The following TMEM65 variants were observed in gnomAD, a reference collection of about 807,000 sequenced individuals.
TMEM65 encodes the protein transmembrane protein 65.
TMEM65 carries 22 observed loss-of-function variants against 25.4 expected under a neutral mutation model. That is an observed-to-expected ratio of 0.86 (90% CI 0.62 to 1.23). The LOEUF is 1.23. Ranked by LOEUF, TMEM65 falls within the 50% of genes most tolerant of loss-of-function variation. The pLI is 0.00. For synonymous variants in TMEM65, 132 were observed against 126.2 expected (o/e 1.05, Z -0.31); for missense variants, 262 against 308.2 (o/e 0.85, Z 1.12).
rs1006868891 is a variant in TMEM65 at position 124,309,673 on chromosome 8, T to G, written c.*4287A>C. ...GGTCTTCACTGACCATCTTCACTTA[T>G]GACCACTGGTACTTTCTATCCTCTT... On this transcript the variant is annotated 3_prime_UTR_variant, in exon 7 of 7. Transcript: ENST00000297632. 3 of 152,296 alleles carry G rather than the reference T, an allele frequency of 2.0e-5. No individual in the cohort carries two copies. The highest frequency in any genetic ancestry group is 2.9e-5 in the Non-Finnish European group (2 of 68,078). The allele number at this position is 152,296 out of a possible 1,614,324, so 9.4% of individuals were successfully genotyped here.
intron 1 of TMEM65, among the ~76,000 whole-genome samples, chr8:124,344,042 A>G (rs951590230): frequency 1.3e-5 from 2 of 152,232 alleles, no homozygotes; most frequent in African/African-American, 4.8e-5. Context: ...AAATATTGCT[A>G]GTGCTTCTCT....
At chr8:124,345,154 A>G (rs1031477904) in intron 1 of TMEM65, among the ~76,000 whole-genome samples, 1 of 152,236 alleles carries the variant, frequency 6.6e-6, no homozygotes, top group African/African-American at 2.4e-5. Flanking sequence ...GCTTTGGCCA[A>G]TCATAGGAGC....
At chr8:124,361,099 A>G (rs1305534313) in intron 1 of TMEM65, among the ~76,000 whole-genome samples, 1 of 152,198 alleles carries the variant, frequency 6.6e-6, no homozygotes, top group African/African-American at 2.4e-5. Flanking sequence ...ACAGTTCAAG[A>G]CAACTTCACA....
chr8:124,335,027 C>T (rs555211327), intron 1 of TMEM65, among the ~76,000 whole-genome samples: 52 of 151,876 alleles, frequency 3.4e-4, no homozygotes, highest in African/African-American at 1.2e-3. Context: ...AAACTAGGAA[C>T]AAAAACTCTT....
chr8:124,329,786 T>C (rs899811927), intron 2 of TMEM65, among the ~76,000 whole-genome samples: 4 of 151,898 alleles, frequency 2.6e-5, no homozygotes, highest in African/African-American at 9.7e-5. Context: ...AACACAGCCA[T>C]ACAAACAGTA....
chr8:124,330,845 T>C (rs1180085028), intron 1 of TMEM65, 53 bp from the exon 2 acceptor site: 4 of 1,463,916 alleles, frequency 2.7e-6, no homozygotes, highest in Middle Eastern at 1.7e-4. Context: ...CAGCGTGATA[T>C]TTTTTATTAC....
chr8:124,331,682 T>A (rs953086038), intron 1 of TMEM65, among the ~76,000 whole-genome samples: 2 of 151,864 alleles, frequency 1.3e-5, no homozygotes, highest in Admixed American at 6.6e-5. Flanking sequence ...TCTACCTTCT[T>A]TATGATCAAC....
At chr8:124,371,693 C>T (rs1305026064) in intron 1 of TMEM65, among the ~76,000 whole-genome samples, 161 bp downstream of exon 1, 1 of 152,146 alleles carries the variant, frequency 6.6e-6, no homozygotes. Context: ...AAAGTCTCCC[C>T]GCCCCCAGCC....
intron 1 of TMEM65, among the ~76,000 whole-genome samples, chr8:124,352,474 T>A (rs1814723351): frequency 1.5e-5 from 2 of 130,134 alleles, no homozygotes; most frequent in South Asian, 4.8e-4. Context: ...GAATTTACTA[T>A]CATAAAATAA....
chr8:124,321,341 G>A (rs766035718), intron 5 of TMEM65, among the ~76,000 whole-genome samples: 8 of 152,130 alleles, frequency 5.3e-5, no homozygotes, highest in Admixed American at 2.0e-4. Flanking sequence ...AAGGAAAGAA[G>A]AGACAAAATC....
Position 124,320,183 on chromosome 8 carries a change from C to T in TMEM65, c.524G>A (p.Gly175Asp). 1 of 1,611,634 alleles carries T rather than the reference C, an allele frequency of 6.2e-7. No individual in the cohort carries two copies. The highest frequency in any genetic ancestry group is 8.5e-7 in the Non-Finnish European group (1 of 1,178,508). Residue 175 changes from glycine to aspartate, a missense_variant, in exon 6 of 7, where the codon GGC becomes GAC. Transcript: ENST00000297632. ...CCTGGAAGCCAATGCTTCAACGTAG[C>T]CTGCAAGTCTTTGAAGAAACAAGAC... ...VSDLAGLGLA[G>D]YVEALASRLG...
At chr8:124,317,470 T>G (rs1466269162) in intron 6 of TMEM65, among the ~76,000 whole-genome samples, 1 of 152,184 alleles carries the variant, frequency 6.6e-6, no homozygotes, top group Non-Finnish European at 1.5e-5. Flanking sequence ...GACTATGAGC[T>G]CTTAGGTATT....
rs1297131086 is a variant in TMEM65 at position 124,313,020 on chromosome 8, A to C, written c.*940T>G. ...AAATAATATAAATTGTATCTCATTA[A>C]TCTTTCAAACATCACTTCAACTTCA... On this transcript the variant is annotated 3_prime_UTR_variant, in exon 7 of 7. Coordinates refer to ENST00000297632, the MANE Select transcript of TMEM65 (RefSeq NM_194291.3). 6.6e-6 allele frequency: 1 copy of C among 151,796 alleles called. No homozygotes were observed. The highest frequency in any genetic ancestry group is 6.5e-5 in the Admixed American group (1 of 15,270). 9.4% of individuals were successfully genotyped at this position (151,796 alleles called of 1,614,324 possible).
intron 1 of TMEM65, among the ~76,000 whole-genome samples, chr8:124,335,192 A>C (rs1052109503): frequency 6.6e-6 from 1 of 152,186 alleles, no homozygotes; most frequent in Non-Finnish European, 1.5e-5. Flanking sequence ...ATACATATTA[A>C]ACACACAAAA....
At position 124,312,287 on chromosome 8, in the gene TMEM65, C is replaced by T. The variant is rs1814172666; in HGVS notation, c.*1673G>A. ...ATGATTTGATTCAGTAAGAATGTCA[C>T]ATTATTTGTGCATGTTATATATTTA... On this transcript the variant is annotated 3_prime_UTR_variant, in exon 7 of 7. Transcript: ENST00000297632. 1 of 151,930 alleles carries T rather than the reference C, an allele frequency of 6.6e-6. No homozygotes were observed. Among genetic ancestry groups the T allele is most frequent in the African/African-American group, 2.4e-5 (1 of 41,394 alleles). The allele number at this position is 151,930 out of a possible 1,614,324, so 9.4% of individuals were successfully genotyped here.
chr8:124,327,671 A>AACACACAC (rs71289656), intron 2 of TMEM65, among the ~76,000 whole-genome samples: 19 of 148,722 alleles, frequency 1.3e-4, no homozygotes, highest in Admixed American at 4.0e-4. Flanking sequence ...TCTTACTGGT[A>AACACACAC]ACACACACAC....
chr8:124,306,411 A>T lies in TMEM65; in HGVS notation c.*7549T>A, dbSNP rs1355087882. ...CAGAAATGGTGGAGAATGACACTGG[A>T]AGTCATAAAGTTGATTCTCAAACAC... On this transcript the variant is annotated 3_prime_UTR_variant, in exon 7 of 7. Transcript: ENST00000297632. 2.6e-5 allele frequency: 4 copies of T among 152,190 alleles called. No individual in the cohort carries two copies. Among genetic ancestry groups the T allele is most frequent in the Non-Finnish European group, 5.9e-5 (4 of 68,036 alleles). The allele number at this position is 152,190 out of a possible 1,614,324, so 9.4% of individuals were successfully genotyped here. A position where few individuals can be genotyped will look rare whatever the true frequency, so the allele number is the denominator to read the frequency against.
In TMEM65 at chr8:124,309,615, A is replaced by C. The variant is rs942458431; in HGVS notation, c.*4345T>G. 1 of 152,240 alleles carries C rather than the reference A, an allele frequency of 6.6e-6. No homozygotes were observed. The highest frequency in any genetic ancestry group is 2.4e-5 in the African/African-American group (1 of 41,462). 9.4% of individuals were successfully genotyped at this position (152,240 alleles called of 1,614,324 possible). The stretch of plus-strand genomic sequence containing the variant: ...TAGCATGATACTTTCTCTTCACAGA[A>C]TATCTGTACTGTTTGTACCTTCGCT... On this transcript the variant is annotated 3_prime_UTR_variant, in exon 7 of 7. Coordinates refer to ENST00000297632, the MANE Select transcript of TMEM65 (RefSeq NM_194291.3).
chr8:124,318,369 G>GTTTTTTTTTT (rs35876350), intron 6 of TMEM65, among the ~76,000 whole-genome samples: 3 of 64,936 alleles, frequency 4.6e-5, no homozygotes, highest in African/African-American at 5.9e-5. Flanking sequence ...GCATGTTTTT[G>GTTTTTTTTTT]TTTTTTTTTT....
Sources: allele counts gnomAD v4.1 joint callset (sites outside exome capture counted in the v4.1 genomes callset), GRCh38; gene constraint gnomAD v4.1.1; transcripts MANE v1.5; gene names NCBI Gene and HGNC (gene_info 2026-07-23, HGNC 2026-07-21).